The following TTN variants were observed in gnomAD, a reference collection of about 807,000 sequenced individuals.
TTN encodes connectin.
TTN carries 1,525 observed loss-of-function variants against 3,223.0 expected under a neutral mutation model. That is an observed-to-expected ratio of 0.47 (90% confidence interval 0.45 to 0.49). The LOEUF is 0.49. Among genes scored for constraint, TTN ranks in the 20% least tolerant of loss-of-function variants. The pLI is 0.00. For synonymous variants in TTN, 14,094 were observed against 15,161.0 expected (o/e 0.93, Z 5.17); for missense variants, 40,786 against 43,424.0 (o/e 0.94, Z 5.40).
At position 178,677,873 on chromosome 2, in the gene TTN, GAGGT is replaced by G; in HGVS notation, c.34035_34038del (p.Pro11346ArgfsTer121). The G allele has an allele frequency of 6.2e-7, 1 of 1,611,756 alleles. No individual in the cohort carries two copies. Among genetic ancestry groups the G allele is most frequent in the Non-Finnish European group, 8.5e-7 (1 of 1,178,944 alleles). On this transcript the variant is annotated frameshift_variant, in exon 146 of 363. Coordinates refer to ENST00000589042, the MANE Select transcript of TTN (RefSeq NM_001267550.2). LOFTEE classifies it high-confidence loss of function. ...TCTTCAAATAGAACTTCCTCTTCCT[GAGGT>G]AGAGCTACAGGAACTGGAACTGGTT... is the stretch of plus-strand genomic sequence containing the variant.
In TTN at chr2:178,564,655, G is replaced by A. The variant is rs1473828820; in HGVS notation, c.81477C>T (p.Ser27159=). ...GAGCAACAAAGCATTCTGACACTTTGCTAGGCTTGCCAATGCCAACAATAT... is the reference window on the plus strand; with the variant it reads ...GAGCAACAAAGCATTCTGACACTTTACTAGGCTTGCCAATGCCAACAATAT... ...AENIVGIGKP[S]KVSECFVARD... The change falls in exon 326 of 363, where the codon AGC becomes AGT. Residue 27159 remains serine, a synonymous_variant. Coordinates refer to ENST00000589042, the MANE Select transcript of TTN (RefSeq NM_001267550.2). 6.2e-7 allele frequency: 1 copy of A among 1,613,404 alleles called. No homozygotes were observed. Among genetic ancestry groups the A allele is most frequent in the Non-Finnish European group, 8.5e-7 (1 of 1,179,694 alleles).
Position 178,730,398 on chromosome 2 carries a change from A to G in TTN, c.18029-27T>C, listed in dbSNP as rs771265190. The G allele has an allele frequency of 8.4e-6, 13 of 1,555,024 alleles. No individual in the cohort carries two copies. The South Asian group carries it at 1.5e-4, about 18-fold the overall frequency. ...TGAGGTGAAAGAAAAAACAAGCAAAAGAAAATAGGAAGTTTTATTTTATAA... is the reference window on the plus strand; with the variant it reads ...TGAGGTGAAAGAAAAAACAAGCAAAGGAAAATAGGAAGTTTTATTTTATAA... On this transcript the variant is annotated intron_variant, in intron 61 of 362. Coordinates refer to ENST00000589042, the MANE Select transcript of TTN (RefSeq NM_001267550.2).
In TTN at chr2:178,651,204, G is replaced by T. The variant is rs758309490; in HGVS notation, c.39625+39C>A. 1.9e-4 allele frequency: 296 copies of T among 1,544,342 alleles called. 2 individuals are homozygous for T. The highest frequency in any genetic ancestry group is 1.9e-4 in the Non-Finnish European group (217 of 1,122,742). On this transcript the variant is annotated intron_variant, in intron 208 of 362. Coordinates refer to ENST00000589042, the MANE Select transcript of TTN (RefSeq NM_001267550.2). ...ATAATAGGTGACTTATTAGACAAGG[G>T]TGAGTGCTTTTCTGCAGAATCTCAT... is the stretch of plus-strand genomic sequence containing the variant.
rs778337241 is a variant in TTN, at chr2:178,579,204, A to G, written c.67826T>C (p.Ile22609Thr). ...VESSAVNTTL[I>T]VYDCQKSDAG... ...ATCAGATTTTTGGCAATCGTACACT[A>G]TAAGAGTTGTGTTAACCGCAGATGA... is the stretch of plus-strand genomic sequence containing the variant. Residue 22609 changes from isoleucine (I) to threonine (T), a missense_variant, in exon 320 of 363, where the codon ATA (isoleucine) becomes ACA (threonine). By Grantham distance (89) the Ile-to-Thr change is moderately conservative (BLOSUM62 -1). Transcript: ENST00000589042. 26 of 1,613,340 alleles carry G rather than the reference A, an allele frequency of 1.6e-5. 1 individual carries two copies. The South Asian group carries it at 2.4e-4, about 15-fold the overall frequency.
In TTN at chr2:178,728,971, T is replaced by C; in HGVS notation, c.19067A>G (p.Asn6356Ser). 1 of 1,613,124 alleles carries C rather than the reference T, an allele frequency of 6.2e-7. No individual in the cohort carries two copies. Among genetic ancestry groups the C allele is most frequent in the Non-Finnish European group, 8.5e-7 (1 of 1,179,548 alleles). The change falls in exon 65 of 363, where the codon AAT becomes AGT. Residue 6356 changes from asparagine (N) to serine (S), a missense_variant. Asn to Ser is a conservative substitution (Grantham distance 46). Coordinates refer to ENST00000589042, the MANE Select transcript of TTN (RefSeq NM_001267550.2). ...VATLQIRSVD[N>S]GHSGRYTCQA... ...ACAGGTATATCTCCCACTGTGTCCA[T>C]TATCCACACTTCTGATTTGAAGTGT...
rs1708665824 is a variant in TTN at position 178,572,701 on chromosome 2, G to A, written c.73431C>T (p.Ser24477=). The stretch of plus-strand genomic sequence containing the variant: ...CAATAAGCAGGGTGTAAGAGCTTGT[G>A]GATTCGATGCTAGCTTTATCTAAAG... ...GESLDKASIE[S]TSSYTLLIVG... The change falls in exon 326 of 363, where the codon TCC becomes TCT. Residue 24477 remains serine (S), a synonymous_variant. Coordinates refer to ENST00000589042, the MANE Select transcript of TTN (RefSeq NM_001267550.2). The A allele has an allele frequency of 1.9e-6, 3 of 1,613,446 alleles. No homozygotes were observed. The highest frequency in any genetic ancestry group is 2.5e-6 in the Non-Finnish European group (3 of 1,179,586).
chr2:178,663,769 C>T (rs1408694540), intron 170 of TTN, 50 bp downstream of exon 170: 1 of 1,611,734 alleles, frequency 6.2e-7, no homozygotes, highest in Admixed American at 1.7e-5. Context: ...GAAAAAATAT[C>T]TTCAAGAGCA....
chr2:178,713,308 T>G lies in TTN; in HGVS notation c.26826A>C (p.Ser8942=). The part of the protein sequence containing the change: ...LKETNGLSGS[S]VVMECKVYGS... The stretch of plus-strand genomic sequence containing the variant: ...CATAGACTTTACACTCCATTACAAC[T>G]GAGGAGCCGGATAGACCATTTGTCT... Residue 8942 remains serine (S), a synonymous_variant, in exon 93 of 363, where the codon TCA becomes TCC. Transcript: ENST00000589042. 1 of 1,591,520 alleles carries G rather than the reference T, an allele frequency of 6.3e-7. No homozygotes were observed.
At chr2:178,749,851 A>G in intron 47 of TTN, 4 of 1,613,178 alleles carry the variant, frequency 2.5e-6, no homozygotes, top group Non-Finnish European at 3.4e-6. Flanking sequence ...GGGGCTCACC[A>G]GATATTAAAC....
At chr2:178,717,405 T>C (rs1406534260) in intron 87 of TTN, 23 bp from the exon 88 acceptor site, 5 of 1,589,644 alleles carry the variant, frequency 3.1e-6, no homozygotes, top group Non-Finnish European at 4.3e-6. Flanking sequence ...AAGACCAACA[T>C]GGTGATTTTT....
At chr2:178,651,206 G>A (rs368801508) in intron 208 of TTN, 37 bp downstream of exon 208, 11 of 1,549,508 alleles carry the variant, frequency 7.1e-6, no homozygotes, top group Non-Finnish European at 9.8e-6. Context: ...AGACAAGGGT[G>A]AGTGCTTTTC....
chr2:178,722,177 T>TG (rs2078493505), intron 77 of TTN, 43 bp from the exon 78 acceptor site: 2 of 1,529,226 alleles, frequency 1.3e-6, no homozygotes, highest in Non-Finnish European at 1.8e-6. Flanking sequence ...TTTGTTTGTT[T>TG]TTTTGCCATT....
rs1560301680 is a variant in TTN, at chr2:178,677,866, T to A, written c.34046A>T (p.Glu11349Val). Residue 11349 changes from glutamate to valine, a missense_variant, in exon 146 of 363, where the codon GAG (glutamate) becomes GTG (valine). Glu to Val is a moderately radical substitution (Grantham distance 121). Transcript: ENST00000589042. ...AATTTCTTCTTCAAATAGAACTTCCTCTTCCTGAGGTAGAGCTACAGGAAC... is the reference window on the plus strand; with the variant it reads ...AATTTCTTCTTCAAATAGAACTTCCACTTCCTGAGGTAGAGCTACAGGAAC... ...VPVPVALPQE[E>V]EVLFEEEIVP... 2 of 1,612,208 alleles carry A rather than the reference T, an allele frequency of 1.2e-6. No homozygotes were observed. Among genetic ancestry groups the A allele is most frequent in the Non-Finnish European group, 1.7e-6 (2 of 1,179,132 alleles).
rs943254434 is a variant in TTN at position 178,776,938 on chromosome 2, T to A, written c.4926A>T (p.Arg1642Ser). The A allele has an allele frequency of 1.2e-6, 2 of 1,613,584 alleles. No individual in the cohort carries two copies. The highest frequency in any genetic ancestry group is 2.7e-5 in the African/African-American group (2 of 74,860). ...ACTCAACTTCAACATTTACTTTGCA[T>A]CTTGTAGTGTCTCTGCCAGCTTTAT... ...AINKAGRDTT[R>S]CKVNVEVEFA... Residue 1642 changes from arginine to serine, a missense_variant, in exon 28 of 363, where the codon AGA becomes AGT. Transcript: ENST00000589042.
At position 178,697,129 on chromosome 2, in the gene TTN, G is replaced by T; in HGVS notation, c.30794C>A (p.Pro10265Gln). Residue 10265 changes from proline to glutamine, a missense_variant, in exon 113 of 363, where the codon CCA (proline) becomes CAA (glutamine). Physicochemically the swap from Pro to Gln is moderately conservative, Grantham distance 76 (BLOSUM62 -1). Transcript: ENST00000589042. ...KKPPPPTTLI[P>Q]AKAPEIIDVS... ...AATTTATCTTTATTTACCTTTTGCT[G>T]GAATTAAGGTAGTAGGAGGTGGAGG... is the stretch of plus-strand genomic sequence containing the variant. 1 of 1,551,584 alleles carries T rather than the reference G, an allele frequency of 6.4e-7. No homozygotes were observed. The highest frequency in any genetic ancestry group is 8.7e-7 in the Non-Finnish European group (1 of 1,146,360).
intron 6 of TTN, chr2:178,799,243 C>T (rs909451192): frequency 9.2e-6 from 5 of 542,462 alleles, no homozygotes; most frequent in Non-Finnish European, 1.6e-5. Flanking sequence ...CGCCCACACC[C>T]TATGCCTATA....
At position 178,624,655 on chromosome 2, in the gene TTN, T is replaced by G; in HGVS notation, c.44625A>C (p.Glu14875Asp). 6.2e-7 allele frequency: 1 copy of G among 1,612,602 alleles called. No homozygotes were observed. The highest frequency in any genetic ancestry group is 1.1e-5 in the South Asian group (1 of 91,054). Residue 14875 changes from glutamate to aspartate, a missense_variant, in exon 242 of 363, where the codon GAA becomes GAC. Physicochemically the swap from Glu to Asp is conservative, Grantham distance 45 (BLOSUM62 2). Coordinates refer to ENST00000589042, the MANE Select transcript of TTN (RefSeq NM_001267550.2). ...TCACCTTAGCATTTTCTCTGGAGAC[T>G]TCACACTCCAGCACTGCAGTGGCTC... ...EEGATAVLEC[E>D]VSRENAKVKW...
intron 164 of TTN, 109 bp from the exon 165 acceptor site, chr2:178,665,569 A>G: frequency 7.3e-7 from 1 of 1,369,674 alleles, no homozygotes; most frequent in Admixed American, 1.9e-5. Context: ...ATTCCTTTAA[A>G]GAATCTGAGG....
At chr2:178,749,037 T>C (rs1574238722) in intron 47 of TTN, 1 of 1,612,692 alleles carries the variant, frequency 6.2e-7, no homozygotes, top group South Asian at 1.1e-5. Flanking sequence ...TGCTTCACCT[T>C]TTTCCCCGGG....
Sources: gnomAD v4.1 joint callset for allele counts on GRCh38, gnomAD v4.1.1 for gene constraint, MANE v1.5 for transcripts, NCBI Gene and HGNC (gene_info 2026-07-23, HGNC 2026-07-21) for gene names.